Variants in RIMBP2 observed in about 807,000 individuals in gnomAD.
RIMBP2 encodes RIMS-binding protein 2.
A neutral mutation model predicts 118.6 loss-of-function variants in RIMBP2; 48 were observed. The observed-to-expected ratio is 0.40, with a 90% CI of 0.32 to 0.51. The LOEUF is 0.51. RIMBP2 is among the 20% of genes least tolerant of loss of function. RIMBP2 has a pLI of 0.41. For synonymous variants in RIMBP2, 762 were observed against 742.9 expected (o/e 1.03, Z -0.42); for missense variants, 1,551 against 1,768.3 (o/e 0.88, Z 2.20).
At chr12:130,432,417 C>T in intron 14 of RIMBP2, 1 of 416,436 alleles carries the variant, frequency 2.4e-6, no homozygotes, top group South Asian at 1.8e-5. Flanking sequence ...CCTCATAAAA[C>T]CTGTGCTATC....
intron 1 of RIMBP2, among the ~76,000 whole-genome samples, chr12:130,706,919 G>A (rs2066149684): frequency 6.6e-6 from 1 of 152,204 alleles, no homozygotes; most frequent in Non-Finnish European, 1.5e-5. Flanking sequence ...AGCTCCGCCA[G>A]GTCTAGCTTG....
chr12:130,452,392 G>T (rs533369651), intron 7 of RIMBP2, among the ~76,000 whole-genome samples: 8 of 152,314 alleles, frequency 5.3e-5, no homozygotes, highest in Admixed American at 4.6e-4. Flanking sequence ...GGGAATTGGA[G>T]CTGGGGCAGC....
At position 130,644,223 on chromosome 12, in the gene RIMBP2, T is replaced by TCA. The variant is rs367953660; in HGVS notation, c.-351-15769_-351-15768dup. 7.0e-3 allele frequency among the ~76,000 whole-genome samples: 1,060 copies of TCA among 151,920 alleles called. 11 individuals carry two copies. Among genetic ancestry groups the TCA allele is most frequent in the African/African-American group, 0.024 (999 of 41,496 alleles). ...CTCCCTAACAAGGCCTCGAACTCAC[T>TCA]CACACACACACACTTGCTACAAGAC... On this transcript the variant is annotated intron_variant, in intron 1 of 22. Transcript: ENST00000690449.
chr12:130,687,258 G>C (rs561392643), intron 1 of RIMBP2, among the ~76,000 whole-genome samples: 9 of 152,148 alleles, frequency 5.9e-5, no homozygotes, highest in Non-Finnish European at 1.2e-4. Context: ...TGTGAGTATC[G>C]CTGTCTATAA....
intron 4 of RIMBP2, among the ~76,000 whole-genome samples, chr12:130,503,274 T>C (rs2049977058): frequency 1.3e-5 from 2 of 151,802 alleles, no homozygotes; most frequent in African/African-American, 4.8e-5. Context: ...TGTGTGTCTG[T>C]AATCCCAGCT....
chr12:130,481,329 A>AG (rs987034415), intron 4 of RIMBP2, among the ~76,000 whole-genome samples: 1 of 152,128 alleles, frequency 6.6e-6, no homozygotes, highest in Non-Finnish European at 1.5e-5. Context: ...ACTTTAACTG[A>AG]GGGTGGGGAA....
At chr12:130,457,747 C>G (rs544287890) in intron 6 of RIMBP2, among the ~76,000 whole-genome samples, 10 of 152,322 alleles carry the variant, frequency 6.6e-5, no homozygotes, top group African/African-American at 2.4e-4. Flanking sequence ...GACACACCTT[C>G]GATACTCTGC....
intron 10 of RIMBP2, among the ~76,000 whole-genome samples, chr12:130,443,420 G>A (rs935333211): frequency 1.3e-5 from 2 of 152,152 alleles, no homozygotes; most frequent in Non-Finnish European, 2.9e-5. Context: ...CAAAGATGAG[G>A]CAGTTTGGGT....
intron 2 of RIMBP2, among the ~76,000 whole-genome samples, chr12:130,544,167 C>T (rs753706200): frequency 2.6e-5 from 4 of 152,192 alleles, no homozygotes; most frequent in Non-Finnish European, 2.9e-5. Flanking sequence ...TGATGTCCTT[C>T]CTCTTCTGTC....
intron 1 of RIMBP2, among the ~76,000 whole-genome samples, chr12:130,697,538 T>A (rs929633482): frequency 7.2e-5 from 11 of 151,994 alleles, no homozygotes; most frequent in Non-Finnish European, 4.4e-5. Flanking sequence ...AAAATCATAA[T>A]AATTGTGGTA....
At chr12:130,658,233 G>A (rs2063509148) in intron 1 of RIMBP2, 1 of 152,248 alleles carries the variant, frequency 6.6e-6, no homozygotes, top group Non-Finnish European at 1.5e-5. Flanking sequence ...CTCGCGTGTT[G>A]ACATGAAGGG....
chr12:130,407,352 T>G (rs2075275386), intron 20 of RIMBP2, among the ~76,000 whole-genome samples: 1 of 152,196 alleles, frequency 6.6e-6, no homozygotes, highest in South Asian at 2.1e-4. Context: ...TACTGTTCTA[T>G]GTGTGGGGCC....
chr12:130,516,448 C>A (rs917396313), intron 3 of RIMBP2, among the ~76,000 whole-genome samples: 2 of 152,156 alleles, frequency 1.3e-5, no homozygotes, highest in South Asian at 4.1e-4. Flanking sequence ...AGGAGACAGA[C>A]AAACACATAA....
chr12:130,507,261 A>G (rs2050457299), intron 3 of RIMBP2, among the ~76,000 whole-genome samples: 1 of 152,232 alleles, frequency 6.6e-6, no homozygotes, highest in Non-Finnish European at 1.5e-5. Flanking sequence ...AGCCAATGAG[A>G]TAAACACAGA....
intron 5 of RIMBP2, 27 bp from the exon 6 acceptor site, chr12:130,470,770 G>C: frequency 8.2e-7 from 1 of 1,217,108 alleles, no homozygotes; most frequent in Non-Finnish European, 1.0e-6. Flanking sequence ...AGAGAGAAAA[G>C]AGTAAATGTC....
intron 2 of RIMBP2, among the ~76,000 whole-genome samples, chr12:130,557,075 T>A (rs1046263927): frequency 1.3e-5 from 2 of 152,026 alleles, no homozygotes; most frequent in Non-Finnish European, 2.9e-5. Context: ...TAAGATGAGG[T>A]CATACTGGAG....
intron 1 of RIMBP2, among the ~76,000 whole-genome samples, chr12:130,657,542 A>G (rs777823150): frequency 3.3e-5 from 5 of 152,246 alleles, no homozygotes; most frequent in Non-Finnish European, 5.9e-5. Context: ...AGACAGAGAA[A>G]GATCCATCGT....
At chr12:130,498,934 A>G (rs867349744) in intron 4 of RIMBP2, among the ~76,000 whole-genome samples, 6 of 152,234 alleles carry the variant, frequency 3.9e-5, no homozygotes, top group Non-Finnish European at 8.8e-5. Context: ...GCATTAGTCC[A>G]TTCTCACACT....
At chr12:130,615,367 G>A (rs757723195) in intron 2 of RIMBP2, among the ~76,000 whole-genome samples, 4 of 150,214 alleles carry the variant, frequency 2.7e-5, no homozygotes, top group African/African-American at 4.9e-5. Context: ...CTGGAATGCA[G>A]TGGCATGATC....
Sources: allele counts gnomAD v4.1 joint callset (sites outside exome capture counted in the v4.1 genomes callset), GRCh38; gene constraint gnomAD v4.1.1; transcripts MANE v1.5; gene names NCBI Gene and HGNC (gene_info 2026-07-23, HGNC 2026-07-21).